POLE: variants seen among roughly 807,000 people sequenced by gnomAD.
POLE encodes DNA polymerase epsilon, catalytic subunit.
A neutral mutation model predicts 279.2 loss-of-function variants in POLE; 188 were observed. That is an observed-to-expected ratio of 0.67 (90% CI 0.60 to 0.76). POLE has a LOEUF of 0.76. Among genes scored for constraint, POLE ranks in the 30% least tolerant of loss-of-function variants. The pLI is 0.00. For synonymous variants in POLE, 1,214 were observed against 1,172.5 expected (o/e 1.04, Z -0.72); for missense variants, 2,703 against 3,016.7 (o/e 0.90, Z 2.44).
intron 41 of POLE, 141 bp from the exon 42 acceptor site, chr12:132,636,165 A>C: frequency 1.1e-6 from 1 of 888,890 alleles, no homozygotes; most frequent in Non-Finnish European, 1.6e-6. Context: ...ATCATCCCTC[A>C]GGCTTCCTGG....
At chr12:132,640,033 CA>C (rs1593723956) in intron 39 of POLE, among the ~76,000 whole-genome samples, 2 of 152,226 alleles carry the variant, frequency 1.3e-5, no homozygotes, top group African/African-American at 4.8e-5. Flanking sequence ...TGGTCAGAAA[CA>C]AGAACTTAGA....
rs2041789639 is a variant in POLE at position 132,624,503 on chromosome 12, T to TGCTCCC, written c.*188_*193dup. On this transcript the variant is annotated 3_prime_UTR_variant, in exon 49 of 49. Coordinates refer to ENST00000320574, the MANE Select transcript of POLE (RefSeq NM_006231.4). Reference sequence around the variant, plus strand: ...CTCTGGCGAGGCCAGGGCCACATCCTGCTCCCGCTCCCTCCTGTGACGTCT... The same window carrying TGCTCCC: ...CTCTGGCGAGGCCAGGGCCACATCCTGCTCCCGCTCCCGCTCCCTCCTGTGACGTCT... The TGCTCCC allele has an allele frequency of 1.7e-5, 10 of 603,128 alleles. No individual in the cohort carries two copies. The highest frequency in any genetic ancestry group is 3.0e-5 in the Non-Finnish European group (10 of 337,706). The allele number at this position is 603,128 out of a possible 1,614,324, so 37.4% of individuals were successfully genotyped here.
At chr12:132,686,799 C>T (rs941613951) in intron 1 of POLE, among the ~76,000 whole-genome samples, 1 of 152,020 alleles carries the variant, frequency 6.6e-6, no homozygotes, top group Non-Finnish European at 1.5e-5. Context: ...GAACAGGATC[C>T]TGGGCTCCAG....
intron 16 of POLE, among the ~76,000 whole-genome samples, chr12:132,670,068 A>G (rs1249893751): frequency 6.6e-6 from 1 of 152,038 alleles, no homozygotes; most frequent in East Asian, 2.0e-4. Flanking sequence ...TGTTTCTTAA[A>G]GACTTTAAAT....
chr12:132,642,210 C>G lies in POLE; in HGVS notation c.5140G>C (p.Val1714Leu), dbSNP rs144941152. The change falls in exon 38 of 49, where the codon GTT (valine) becomes CTT (leucine). Residue 1714 changes from valine (V) to leucine (L), a missense_variant. Val to Leu is a conservative substitution (Grantham distance 32). Around this residue, in one of 5 missense-constraint regions of POLE, gnomAD observed 1,551 missense variants for 1,686.1 expected, o/e 0.92. Transcript: ENST00000320574. Reference sequence around the variant, plus strand: ...TAACAGCCTGAACTGTTGATCTCAACAGTGGCTTGGTCATCGAACTCCATG... The same window carrying G: ...TAACAGCCTGAACTGTTGATCTCAAGAGTGGCTTGGTCATCGAACTCCATG... The part of the protein sequence containing the change: ...LVMEFDDQAT[V>L]EINSSGCYST... The G allele has an allele frequency of 6.2e-7, 1 of 1,604,454 alleles. No individual in the cohort carries two copies. Among genetic ancestry groups the G allele is most frequent in the African/African-American group, 1.3e-5 (1 of 74,704 alleles).
At chr12:132,680,370 C>T in intron 3 of POLE, 148 bp from the exon 4 acceptor site, 1 of 753,164 alleles carries the variant, frequency 1.3e-6, no homozygotes, top group Non-Finnish European at 2.3e-6. Context: ...TCAGAATGCG[C>T]ACTTTTCACA....
chr12:132,673,304 G>A (rs368932596), intron 13 of POLE, 27 bp from the exon 14 acceptor site: 161 of 1,490,586 alleles, frequency 1.1e-4, no homozygotes, highest in Non-Finnish European at 1.4e-4. Flanking sequence ...AGAGAGCAGG[G>A]CCATCAAAAA....
At chr12:132,685,944 C>T (rs902245627) in intron 1 of POLE, among the ~76,000 whole-genome samples, 6 of 151,960 alleles carry the variant, frequency 3.9e-5, no homozygotes, top group East Asian at 1.9e-4. Context: ...GGCGCGATCT[C>T]GGTTCACCGC....
intron 1 of POLE, among the ~76,000 whole-genome samples, chr12:132,683,686 T>C (rs1174629238): frequency 6.6e-6 from 1 of 152,246 alleles, no homozygotes; most frequent in African/African-American, 2.4e-5. Flanking sequence ...TGAAGTGCTA[T>C]TTACGAGGCA....
intron 38 of POLE, 68 bp downstream of exon 38, chr12:132,642,109 G>T: frequency 7.5e-7 from 1 of 1,333,868 alleles, no homozygotes; most frequent in South Asian, 1.4e-5. Context: ...CTATTGCCTT[G>T]AGAAGATGTC....
chr12:132,677,508 C>T (rs2136019274), intron 7 of POLE, 65 bp from the exon 8 acceptor site: 1 of 1,609,580 alleles, frequency 6.2e-7, no homozygotes, highest in Non-Finnish European at 8.5e-7. Flanking sequence ...TCTGTGGATT[C>T]ACCCATAATG....
Position 132,675,283 on chromosome 12 carries a change from G to T in POLE, c.1226+115C>A. On this transcript the variant is annotated intron_variant, in intron 12 of 48. Coordinates refer to ENST00000320574, the MANE Select transcript of POLE (RefSeq NM_006231.4). The surrounding 1 kb of genome is among the most constrained non-coding windows in gnomAD (Gnocchi z 4.3). Reference sequence around the variant, plus strand: ...CCATACTCTTGGGTGACCTGAAACGGCCTCTCGGAGGCCACCCTCCTCCCA... The same window carrying T: ...CCATACTCTTGGGTGACCTGAAACGTCCTCTCGGAGGCCACCCTCCTCCCA... The T allele has an allele frequency of 7.3e-7, 1 of 1,361,460 alleles. No homozygotes were observed. Among genetic ancestry groups the T allele is most frequent in the Non-Finnish European group, 1.0e-6 (1 of 999,536 alleles). The allele number at this position is 1,361,460 out of a possible 1,614,324, so 84.3% of individuals were successfully genotyped here.
intron 8 of POLE, 23 bp downstream of exon 8, chr12:132,677,340 A>C: frequency 6.3e-7 from 1 of 1,581,864 alleles, no homozygotes; most frequent in Non-Finnish European, 8.7e-7. Flanking sequence ...TTTTAGGATG[A>C]AGGTAACACA....
rs1339375099 is a variant in POLE at position 132,676,131 on chromosome 12, T to C, written c.983A>G (p.Tyr328Cys). The C allele has an allele frequency of 2.5e-6, 4 of 1,612,246 alleles. No homozygotes were observed. The highest frequency in any genetic ancestry group is 3.4e-6 in the Non-Finnish European group (4 of 1,179,396). Residue 328 changes from tyrosine (Y) to cysteine (C), a missense_variant, in exon 10 of 49, where the codon TAT becomes TGT. Coordinates refer to ENST00000320574, the MANE Select transcript of POLE (RefSeq NM_006231.4). Reference protein sequence around the residue: ...EDFEFTPKPEYEGPFCVFNEP... With the variant: ...EDFEFTPKPECEGPFCVFNEP... ...ATTGAAGACACAAAAGGGGCCTTCATATTCTGGCTTGGGGGTGAACTCAAA... is the reference window on the plus strand; with the variant it reads ...ATTGAAGACACAAAAGGGGCCTTCACATTCTGGCTTGGGGGTGAACTCAAA...
At chr12:132,631,218 C>T (rs2041927324) in intron 45 of POLE, among the ~76,000 whole-genome samples, 2 of 152,110 alleles carry the variant, frequency 1.3e-5, no homozygotes, top group Admixed American at 6.5e-5. Flanking sequence ...AATGTCTCTA[C>T]TTATGTGACG....
intron 1 of POLE, among the ~76,000 whole-genome samples, chr12:132,685,761 C>T (rs1022229157): frequency 2.6e-5 from 4 of 152,230 alleles, no homozygotes; most frequent in African/African-American, 9.6e-5. Context: ...CTGATATGGA[C>T]AGACAGCGAT....
intron 23 of POLE, among the ~76,000 whole-genome samples, chr12:132,663,202 C>A (rs5744840): frequency 2.8e-4 from 42 of 152,186 alleles, no homozygotes; most frequent in African/African-American, 9.9e-4. Flanking sequence ...CAGCCCTCCT[C>A]CAGGGACGCT....
chr12:132,680,577 G>C (rs184271897), intron 3 of POLE, 30 bp downstream of exon 3: 1 of 1,558,144 alleles, frequency 6.4e-7, no homozygotes, highest in Non-Finnish European at 8.9e-7. Flanking sequence ...CATAAAAGTG[G>C]GTTTTAGCTT....
rs1593072246 is a variant in POLE at position 132,673,194 on chromosome 12, C to G, written c.1443G>C (p.Leu481=). 4 of 1,612,946 alleles carry G rather than the reference C, an allele frequency of 2.5e-6. No individual in the cohort carries two copies. The highest frequency in any genetic ancestry group is 3.4e-6 in the Non-Finnish European group (4 of 1,178,910). ...MKYVHPFIFA[L]CTIIPMEPDE... ...CGGGCTCCATGGGAATAATGGTGCA[C>G]AGAGCAAAGATGAATGGGTGGACGT... Residue 481 remains leucine (L), a synonymous_variant, in exon 14 of 49, where the codon CTG becomes CTC. Transcript: ENST00000320574.
Sources: allele counts gnomAD v4.1 joint callset (sites outside exome capture counted in the v4.1 genomes callset), GRCh38; gene constraint gnomAD v4.1.1; regional missense constraint gnomAD v4.1.1; non-coding constraint Gnocchi (gnomAD v3.1); transcripts MANE v1.5; gene names NCBI Gene and HGNC (gene_info 2026-07-23, HGNC 2026-07-21).